Variants in NLRP11 observed in about 807,000 individuals in gnomAD.
NLRP11 encodes the protein NLR family pyrin domain containing 11.
NLRP11 carries 53 observed loss-of-function variants against 79.3 expected under a neutral mutation model. That is an observed-to-expected ratio of 0.67 (90% CI 0.54 to 0.84). The LOEUF (loss-of-function observed/expected upper bound fraction) is 0.84, where lower values mean the gene tolerates loss of function less well. NLRP11 is among the 40% of genes least tolerant of loss of function. The pLI is 0.00. For missense variants in NLRP11, 1,264 were observed against 1,255.0 expected (o/e 1.01, Z -0.11); for synonymous variants, 518 against 462.6 (o/e 1.12, Z -1.54).
At chr19:55,798,274 A>G in intron 5 of NLRP11, 1 of 971,154 alleles carries the variant, frequency 1.0e-6, no homozygotes, top group Non-Finnish European at 1.2e-6. Context: ...TTGGGATTCC[A>G]GGCGTGAGCC....
chr19:55,828,952 A>G (rs1310445544), intron 1 of NLRP11, among the ~76,000 whole-genome samples: 1 of 152,214 alleles, frequency 6.6e-6, no homozygotes, highest in Admixed American at 6.5e-5. Context: ...TCTATTCACA[A>G]TCATTGAGGA....
intron 2 of NLRP11, among the ~76,000 whole-genome samples, chr19:55,810,828 A>C (rs1290880654): frequency 1.3e-5 from 2 of 152,162 alleles, no homozygotes; most frequent in Non-Finnish European, 2.9e-5. Context: ...AGGTTGAATA[A>C]AACCTATTCA....
At chr19:55,803,620 C>T (rs1182695918) in intron 4 of NLRP11, among the ~76,000 whole-genome samples, 1 of 152,114 alleles carries the variant, frequency 6.6e-6, no homozygotes, top group Non-Finnish European at 1.5e-5. Context: ...AAAAGATAAC[C>T]TCATTAAAAA....
Position 55,809,611 on chromosome 19 carries a change from C to T in NLRP11, c.999G>A (p.Val333=). ...ATAAGATGGCGACTCGGCACAGACC[C>T]ACGAGTATTTCATCCTCATGTACAA... Residue 333 remains valine (V), a synonymous_variant, in exon 3 of 10, where the codon GTG becomes GTA. Transcript: ENST00000589093. This position sits in a 1 kb window ranked among gnomAD's most constrained non-coding sequence, Gnocchi z 4.5. 6.2e-7 allele frequency: 1 copy of T among 1,614,180 alleles called. No individual in the cohort carries two copies. Among genetic ancestry groups the T allele is most frequent in the Non-Finnish European group, 8.5e-7 (1 of 1,180,030 alleles).
chr19:55,822,998 G>C (rs1161254041), intron 1 of NLRP11, among the ~76,000 whole-genome samples: 7 of 151,604 alleles, frequency 4.6e-5, no homozygotes, highest in Non-Finnish European at 1.0e-4. Flanking sequence ...AACCTCTGCA[G>C]ACTTAAATGT....
chr19:55,831,252 C>G (rs28590571), intron 1 of NLRP11, among the ~76,000 whole-genome samples: 1 of 150,842 alleles, frequency 6.6e-6, no homozygotes, highest in African/African-American at 2.4e-5. Flanking sequence ...GCACAACTGA[C>G]GGGCATTAAC....
intron 9 of NLRP11, among the ~76,000 whole-genome samples, chr19:55,788,320 T>C (rs1990007367): frequency 6.6e-6 from 1 of 152,110 alleles, no homozygotes; most frequent in Admixed American, 6.6e-5. Context: ...CATCCTCTGC[T>C]TTAAGAACGA....
chr19:55,808,391 C>A (rs76514354), intron 3 of NLRP11, among the ~76,000 whole-genome samples: 5,894 of 152,266 alleles, frequency 0.039, 244 homozygotes, highest in East Asian at 0.18. Flanking sequence ...GGTTAAACCA[C>A]TGGTTTGCAA....
chr19:55,805,995 A>T (rs1202590553), intron 4 of NLRP11, among the ~76,000 whole-genome samples: 1 of 152,226 alleles, frequency 6.6e-6, no homozygotes, highest in African/African-American at 2.4e-5. Context: ...CTGCCATCTG[A>T]CACAGTTGAC....
chr19:55,831,198 A>G (rs979511956), intron 1 of NLRP11, among the ~76,000 whole-genome samples: 3 of 146,756 alleles, frequency 2.0e-5, no homozygotes, highest in African/African-American at 7.6e-5. Flanking sequence ...TATGGCAGGA[A>G]GGGAGGTCAA....
rs1229001548 is a variant in NLRP11, at chr19:55,809,745, A to AG, written c.864dup (p.Lys290GlufsTer21). The AG allele has an allele frequency of 1.2e-6, 2 of 1,614,090 alleles. No individual in the cohort carries two copies. Among genetic ancestry groups the AG allele is most frequent in the Non-Finnish European group, 1.7e-6 (2 of 1,180,030 alleles). On this transcript the variant is annotated frameshift_variant, in exon 3 of 10. Coordinates refer to ENST00000589093, the Ensembl canonical transcript of NLRP11. LOFTEE classifies it high-confidence loss of function. This position sits in a 1 kb window ranked among gnomAD's most constrained non-coding sequence, Gnocchi z 4.5. ...GTCGTGCAGCAATCTACCTCTTTCAAGAACGTTTTTACATTATTCCCACGT... is the reference window on the plus strand; with the variant it reads ...GTCGTGCAGCAATCTACCTCTTTCAAGGAACGTTTTTACATTATTCCCACGT...
chr19:55,808,457 G>A (rs941469935), intron 3 of NLRP11, among the ~76,000 whole-genome samples: 6 of 151,974 alleles, frequency 3.9e-5, no homozygotes, highest in Admixed American at 6.6e-5. Flanking sequence ...TTTTGTTGCT[G>A]TCACAAACGG....
rs775324656 is a variant in NLRP11 at position 55,801,579 on chromosome 19, G to C, written c.2164C>G (p.His722Asp). 5 of 1,613,858 alleles carry C rather than the reference G, an allele frequency of 3.1e-6. No individual in the cohort carries two copies. The African/African-American group carries it at 6.7e-5, about 22-fold the overall frequency. Residue 722 changes from histidine (H) to aspartate (D), a missense_variant, in exon 5 of 10, where the codon CAT becomes GAT. By Grantham distance (81) the His-to-Asp change is moderately conservative (BLOSUM62 -1). Transcript: ENST00000589093. The stretch of plus-strand genomic sequence containing the variant: ...AGCCGAGCAACAACTCACCTCAGAT[G>C]ACTTATTTGGCATGTGGGCTCGTGC...
chr19:55,804,155 A>T (rs1979755987), intron 4 of NLRP11, among the ~76,000 whole-genome samples: 1 of 152,144 alleles, frequency 6.6e-6, no homozygotes, highest in South Asian at 2.1e-4. Flanking sequence ...GGATGTTCCC[A>T]CTGTTGGTGG....
At chr19:55,799,155 T>G (rs1030341946) in intron 5 of NLRP11, among the ~76,000 whole-genome samples, 1 of 151,950 alleles carries the variant, frequency 6.6e-6, no homozygotes, top group African/African-American at 2.4e-5. Flanking sequence ...TGGTCCCAGC[T>G]ACTTGGGAGG....
At chr19:55,792,038 G>GT (rs398041081) in intron 7 of NLRP11, among the ~76,000 whole-genome samples, 2 of 151,816 alleles carry the variant, frequency 1.3e-5, no homozygotes, top group African/African-American at 4.8e-5. Context: ...TCCACCCGGG[G>GT]CAGGGGGAGG....
At chr19:55,795,969 T>C in intron 6 of NLRP11, 111 bp downstream of exon 6, 1 of 948,340 alleles carries the variant, frequency 1.1e-6, no homozygotes, top group Non-Finnish European at 1.6e-6. Context: ...GACTGTGCTT[T>C]CGGCTGCTTT....
At chr19:55,821,249 A>ACACACAC (rs1443325918) in intron 1 of NLRP11, among the ~76,000 whole-genome samples, 162 of 124,426 alleles carry the variant, frequency 1.3e-3, no homozygotes, top group African/African-American at 4.3e-3. Flanking sequence ...ACACACACAC[A>ACACACAC]CCCCAAGCAC....
chr19:55,796,515 G>A (rs531206369), intron 5 of NLRP11, among the ~76,000 whole-genome samples: 1 of 152,178 alleles, frequency 6.6e-6, no homozygotes, highest in East Asian at 1.9e-4. Flanking sequence ...CAGGGTGATG[G>A]TTCAGAACGG....
Sources: allele counts gnomAD v4.1 joint callset (sites outside exome capture counted in the v4.1 genomes callset), GRCh38; gene constraint gnomAD v4.1.1; non-coding constraint Gnocchi (gnomAD v3.1); transcripts MANE v1.5; gene names NCBI Gene and HGNC (gene_info 2026-07-23, HGNC 2026-07-21).